HSPA4L: variants seen among roughly 807,000 people sequenced by gnomAD.
HSPA4L encodes the protein heat shock 70 kDa protein 4L.
HSPA4L carries 48 observed loss-of-function variants against 100.3 expected under a neutral mutation model. That is an observed-to-expected ratio of 0.48 (90% CI 0.38 to 0.61). The LOEUF (loss-of-function observed/expected upper bound fraction) is 0.61, where lower values mean the gene tolerates loss of function less well. HSPA4L is among the 20% of genes least tolerant of loss of function. The probability of loss-of-function intolerance (pLI) is 0.00; values close to 1 mark genes in which losing one functional copy is unlikely to be tolerated. For synonymous variants in HSPA4L, 319 were observed against 328.2 expected (o/e 0.97, Z 0.30); for missense variants, 886 against 988.6 (o/e 0.90, Z 1.39).
intron 1 of HSPA4L, chr4:127,783,807 A>C: frequency 1.3e-6 from 1 of 789,684 alleles, no homozygotes; most frequent in Non-Finnish European, 1.9e-6. Flanking sequence ...AAGCTTTAAA[A>C]TATGGCAAAA....
Position 127,832,758 on chromosome 4 carries a change from G to A in HSPA4L, c.2404G>A (p.Ala802Thr). The A allele has an allele frequency of 6.2e-7, 1 of 1,613,538 alleles. No homozygotes were observed. Among genetic ancestry groups the A allele is most frequent in the Non-Finnish European group, 8.5e-7 (1 of 1,179,718 alleles). ...KAEVPEDKPKANSEHNGPMDG... is the reference protein window; with the variant it reads ...KAEVPEDKPKTNSEHNGPMDG... ...AGAAGTTCCTGAAGACAAACCAAAA[G>A]CTAATAGTGAACACAATGGCCCAAT... The change falls in exon 19 of 19, where the codon GCT becomes ACT. Residue 802 changes from alanine to threonine, a missense_variant. Coordinates refer to ENST00000296464, the MANE Select transcript of HSPA4L (RefSeq NM_014278.4).
intron 17 of HSPA4L, 90 bp from the exon 18 acceptor site, chr4:127,830,546 AAG>A (rs1203469763): frequency 1.1e-6 from 1 of 938,696 alleles, no homozygotes; most frequent in African/African-American, 1.7e-5. Flanking sequence ...TACAGTCAAT[AAG>A]AGTCTAAATT....
intron 13 of HSPA4L, 61 bp from the exon 14 acceptor site, chr4:127,820,367 A>T: frequency 7.2e-7 from 1 of 1,383,774 alleles, no homozygotes; most frequent in South Asian, 1.4e-5. Context: ...TTTCTGTTTT[A>T]CCTCTTAAAT....
chr4:127,796,565 C>G (rs1258043732), intron 3 of HSPA4L, among the ~76,000 whole-genome samples: 1 of 152,022 alleles, frequency 6.6e-6, no homozygotes, highest in Non-Finnish European at 1.5e-5. Context: ...GGAAACGATA[C>G]AAGTTTCTAT....
At chr4:127,808,890 T>C (rs1344332737) in intron 11 of HSPA4L, among the ~76,000 whole-genome samples, 1 of 152,144 alleles carries the variant, frequency 6.6e-6, no homozygotes, top group Non-Finnish European at 1.5e-5. Flanking sequence ...GCCACTGCAC[T>C]CCAGCCTAGG....
intron 12 of HSPA4L, among the ~76,000 whole-genome samples, chr4:127,816,300 T>C (rs1470858879): frequency 6.6e-6 from 1 of 152,200 alleles, no homozygotes; most frequent in African/African-American, 2.4e-5. Flanking sequence ...ATTGATAATA[T>C]TTCTATAAAC....
intron 13 of HSPA4L, 27 bp downstream of exon 13, chr4:127,818,447 G>C: frequency 1.4e-6 from 2 of 1,394,444 alleles, no homozygotes; most frequent in Non-Finnish European, 2.0e-6. Flanking sequence ...CTGTAGTTAT[G>C]TCTTTTTGAA....
At chr4:127,801,987 G>C (rs1359141839) in intron 6 of HSPA4L, 69 bp downstream of exon 6, 2 of 1,294,572 alleles carry the variant, frequency 1.5e-6, no homozygotes, top group Non-Finnish European at 2.1e-6. Context: ...GTAATAGCTG[G>C]GTTCGAATCC....
Position 127,803,712 on chromosome 4 carries a change from G to A in HSPA4L, c.747G>A (p.Lys249=). 1 of 1,613,880 alleles carries A rather than the reference G, an allele frequency of 6.2e-7. No homozygotes were observed. Among genetic ancestry groups the A allele is most frequent in the East Asian group, 2.2e-5 (1 of 44,846 alleles). Reference sequence around the variant, plus strand: ...TAGACTACTTCTGTGATGAGTTCAAGACCAAATATAAGATAAATGTGAAAG... The same window carrying A: ...TAGACTACTTCTGTGATGAGTTCAAAACCAAATATAAGATAAATGTGAAAG... ...ALVDYFCDEF[K]TKYKINVKEN... The change falls in exon 7 of 19, where the codon AAG becomes AAA. Residue 249 remains lysine (K), a synonymous_variant. Transcript: ENST00000296464.
At chr4:127,820,636 T>C (rs1474310895) in intron 14 of HSPA4L, 71 bp downstream of exon 14, 1 of 1,458,398 alleles carries the variant, frequency 6.9e-7, no homozygotes, top group African/African-American at 1.4e-5. Flanking sequence ...TCAATGATTA[T>C]CTCCAAAATT....
At chr4:127,822,619 T>C (rs1733841444) in intron 14 of HSPA4L, 150 bp from the exon 15 acceptor site, 2 of 710,634 alleles carry the variant, frequency 2.8e-6, no homozygotes, top group Admixed American at 3.2e-5. Flanking sequence ...CTCAGCAATG[T>C]ACAAGGGTTT....
chr4:127,805,655 T>G, intron 9 of HSPA4L, 32 bp from the exon 10 acceptor site: 1 of 1,492,396 alleles, frequency 6.7e-7, no homozygotes, highest in Non-Finnish European at 9.3e-7. Context: ...TTGTATTTGT[T>G]GATTTAAATA....
In HSPA4L at chr4:127,835,413, A is replaced by G. The variant is rs1734181393; in HGVS notation, c.*2539A>G. The G allele has an allele frequency of 6.6e-6, 1 of 152,234 alleles. No individual in the cohort carries two copies. Among genetic ancestry groups the G allele is most frequent in the Non-Finnish European group, 1.5e-5 (1 of 68,048 alleles). The allele number at this position is 152,234 out of a possible 1,614,324, so 9.4% of individuals were successfully genotyped here. A position where few individuals can be genotyped will look rare whatever the true frequency, so the allele number is the denominator to read the frequency against. On this transcript the variant is annotated 3_prime_UTR_variant, in exon 19 of 19. Coordinates refer to ENST00000296464, the MANE Select transcript of HSPA4L (RefSeq NM_014278.4). ...TCCTTAGCAGTAATGTAAAATTATT[A>G]AGTTTTGGCCAGGCGCTGTGGCTCA...
At chr4:127,781,884 G>C (rs1732560766), upstream of HSPA4L, 2 of 341,284 alleles carry the variant, frequency 5.9e-6, no homozygotes, top group African/African-American at 2.2e-5. Flanking sequence ...GTGAGGGGGC[G>C]GCGCCCGCCA....
At chr4:127,831,192 T>TA (rs1261283470) in intron 18 of HSPA4L, among the ~76,000 whole-genome samples, 1 of 152,008 alleles carries the variant, frequency 6.6e-6, no homozygotes, top group African/African-American at 2.4e-5. Flanking sequence ...CTTTTCAATT[T>TA]AAAAAACACT....
At chr4:127,807,916 A>G in intron 10 of HSPA4L, 80 bp from the exon 11 acceptor site, 2 of 1,360,530 alleles carry the variant, frequency 1.5e-6, no homozygotes, top group Non-Finnish European at 2.0e-6. Context: ...CTAATGAATT[A>G]AGAATGAAAT....
chr4:127,793,033 C>T (rs1227648596), intron 1 of HSPA4L, among the ~76,000 whole-genome samples: 2 of 152,106 alleles, frequency 1.3e-5, no homozygotes, highest in Non-Finnish European at 2.9e-5. Context: ...CATGAAAGGC[C>T]TTATTGGCTG....
At position 127,805,718 on chromosome 4, in the gene HSPA4L, G is replaced by A. The variant is rs374327031; in HGVS notation, c.1169G>A (p.Arg390His). 9.3e-6 allele frequency: 15 copies of A among 1,612,382 alleles called. No homozygotes were observed. The highest frequency in any genetic ancestry group is 1.1e-5 in the South Asian group (1 of 90,912). ...ATTCTCTCACCAGCATTTAAAGTGC[G>A]TGAATTTTCCATAACAGACCTTGTT... is the stretch of plus-strand genomic sequence containing the variant. ...CAILSPAFKVREFSITDLVPY... is the reference protein window; with the variant it reads ...CAILSPAFKVHEFSITDLVPY... The change falls in exon 10 of 19, where the codon CGT becomes CAT. Residue 390 changes from arginine (R) to histidine (H), a missense_variant. Physicochemically the swap from Arg to His is conservative, Grantham distance 29 (BLOSUM62 0). Transcript: ENST00000296464.
chr4:127,831,499 AT>A (rs201169060), intron 18 of HSPA4L, among the ~76,000 whole-genome samples: 16 of 130,544 alleles, frequency 1.2e-4, no homozygotes, highest in African/African-American at 4.0e-4. Flanking sequence ...GACCTTGTCT[AT>A]TAAAAAAAAA....
Sources: allele counts gnomAD v4.1 joint callset (sites outside exome capture counted in the v4.1 genomes callset), GRCh38; gene constraint gnomAD v4.1.1; transcripts MANE v1.5; gene names NCBI Gene and HGNC (gene_info 2026-07-23, HGNC 2026-07-21).